The following PSMD6 variants were observed in gnomAD, a reference collection of about 807,000 sequenced individuals.
PSMD6 encodes the protein proteasome 26S subunit, non-ATPase 6, also known as 26S proteasome non-ATPase regulatory subunit 6.
In PSMD6, 7 loss-of-function variants were observed where a neutral mutation model predicts 44.9. That is an observed-to-expected ratio of 0.16 (90% CI 0.09 to 0.29). PSMD6 has a LOEUF of 0.29. PSMD6 is among the 10% of genes least tolerant of loss of function. PSMD6 has a pLI of 1.00. For synonymous variants in PSMD6, 184 were observed against 172.7 expected (o/e 1.07, Z -0.51); for missense variants, 420 against 482.6 (o/e 0.87, Z 1.21).
At chr3:64,013,805 T>A (rs1193548184) in intron 5 of PSMD6, 198 bp from the exon 6 acceptor site, 1 of 419,376 alleles carries the variant, frequency 2.4e-6, no homozygotes, top group Non-Finnish European at 4.2e-6. Context: ...AACATCGTCT[T>A]CAAGTAACAG....
At chr3:64,019,263 TA>T (rs2076094016) in intron 3 of PSMD6, 32 bp downstream of exon 3, 2 of 1,539,298 alleles carry the variant, frequency 1.3e-6, no homozygotes, top group East Asian at 4.5e-5. Context: ...CATCATAATT[TA>T]GAGAAAATAT....
chr3:64,023,293 C>G lies in PSMD6; in HGVS notation c.127G>C (p.Ala43Pro). ...GCCTCACTGTTATCGCGGACGGCCGCCATCAGCTCGTCGCGCACGGCAGCG... is the reference window on the plus strand; with the variant it reads ...GCCTCACTGTTATCGCGGACGGCCGGCATCAGCTCGTCGCGCACGGCAGCG... ...GDAAVRDELMAAVRDNNMAPY... is the reference protein window; with the variant it reads ...GDAAVRDELMPAVRDNNMAPY... The change falls in exon 1 of 8, where the codon GCG (alanine) becomes CCG (proline). Residue 43 changes from alanine (A) to proline (P), a missense_variant. Coordinates refer to ENST00000295901, the MANE Select transcript of PSMD6 (RefSeq NM_014814.3). 5.1e-6 allele frequency: 8 copies of G among 1,578,084 alleles called. No homozygotes were observed. Among genetic ancestry groups the G allele is most frequent in the Non-Finnish European group, 6.9e-6 (8 of 1,162,612 alleles).
At chr3:64,015,307 T>TC (rs2076025781) in intron 5 of PSMD6, 1 of 152,234 alleles carries the variant, frequency 6.6e-6, no homozygotes, top group African/African-American at 2.4e-5. Flanking sequence ...TTTGGAAAGT[T>TC]CAATTTTTTA....
chr3:64,011,223 G>A, intron 6 of PSMD6: 1 of 291,040 alleles, frequency 3.4e-6, no homozygotes, highest in Non-Finnish European at 6.3e-6. Flanking sequence ...GAGAAAAACT[G>A]TAGGTTAGGA....
chr3:64,015,607 A>AAGAT (rs1355152275), intron 5 of PSMD6: 1 of 152,226 alleles, frequency 6.6e-6, no homozygotes, highest in African/African-American at 2.4e-5. Flanking sequence ...GTGACATGAA[A>AAGAT]AGATATACAC....
At chr3:64,020,350 G>A (rs1460389312) in intron 2 of PSMD6, among the ~76,000 whole-genome samples, 1 of 151,988 alleles carries the variant, frequency 6.6e-6, no homozygotes, top group Non-Finnish European at 1.5e-5. Context: ...TAAATAGGAG[G>A]GGAAAAGTTG....
At chr3:64,012,418 C>T (rs1576024197) in intron 6 of PSMD6, 2 of 152,390 alleles carry the variant, frequency 1.3e-5, no homozygotes, top group East Asian at 1.9e-4. Flanking sequence ...ACGGTAACAT[C>T]TCCTCTAAGA....
intron 5 of PSMD6, chr3:64,013,890 A>G: frequency 3.6e-6 from 1 of 278,240 alleles, no homozygotes; most frequent in Non-Finnish European, 6.6e-6. Flanking sequence ...TCACGTACTA[A>G]TATTTTAACC....
intron 2 of PSMD6, among the ~76,000 whole-genome samples, chr3:64,021,957 C>A (rs2076139946): frequency 6.6e-6 from 1 of 152,184 alleles, no homozygotes; most frequent in Non-Finnish European, 1.5e-5. Flanking sequence ...CTAAGTATTA[C>A]TCGTGTAAAG....
In PSMD6 at chr3:64,023,255, G is replaced by T; in HGVS notation, c.145+20C>A. ...CGGCCCAGGCCTAGGCCGCTGACTC[G>T]GCGCTCGTGCGGGCCTCACTGTTAT... On this transcript the variant is annotated intron_variant, in intron 1 of 7. Transcript: ENST00000295901. 1 of 1,547,074 alleles carries T rather than the reference G, an allele frequency of 6.5e-7. No homozygotes were observed. Among genetic ancestry groups the T allele is most frequent in the Non-Finnish European group, 8.7e-7 (1 of 1,144,324 alleles).
At chr3:64,019,569 T>C in intron 2 of PSMD6, 128 bp from the exon 3 acceptor site, 1 of 891,114 alleles carries the variant, frequency 1.1e-6, no homozygotes, top group South Asian at 1.9e-5. Context: ...AGATGGCCAT[T>C]AACTGTTAAT....
In PSMD6 at chr3:64,023,292, G is replaced by A; in HGVS notation, c.128C>T (p.Ala43Val). ...GDAAVRDELM[A>V]AVRDNNMAPY... ...GGCCTCACTGTTATCGCGGACGGCC[G>A]CCATCAGCTCGTCGCGCACGGCAGC... The change falls in exon 1 of 8, where the codon GCG becomes GTG. Residue 43 changes from alanine to valine, a missense_variant. Coordinates refer to ENST00000295901, the MANE Select transcript of PSMD6 (RefSeq NM_014814.3). 1 of 1,576,592 alleles carries A rather than the reference G, an allele frequency of 6.3e-7. No individual in the cohort carries two copies. Among genetic ancestry groups the A allele is most frequent in the East Asian group, 2.4e-5 (1 of 42,486 alleles).
intron 6 of PSMD6, chr3:64,011,381 C>CCTTTCCCTCT (rs1472562717): frequency 6.7e-6 from 1 of 148,878 alleles, no homozygotes; most frequent in Non-Finnish European, 1.5e-5. Flanking sequence ...AAACAACGAC[C>CCTTTCCCTCT]CTTTCCCTCT....
chr3:64,021,500 T>A (rs72878922), intron 2 of PSMD6, among the ~76,000 whole-genome samples: 2 of 152,194 alleles, frequency 1.3e-5, no homozygotes, highest in African/African-American at 4.8e-5. Flanking sequence ...CTTTTACATA[T>A]AAAATTTTAC....
intron 5 of PSMD6, chr3:64,015,660 T>A (rs1382264128): frequency 6.6e-6 from 1 of 152,162 alleles, no homozygotes; most frequent in Non-Finnish European, 1.5e-5. Context: ...AAACAGCATA[T>A]AAAATACATC....
Position 64,011,360 on chromosome 3 carries a change from A to C in PSMD6, c.996-405T>G, listed in dbSNP as rs73834176. On this transcript the variant is annotated intron_variant, in intron 6 of 7. Coordinates refer to ENST00000295901, the MANE Select transcript of PSMD6 (RefSeq NM_014814.3). ...ATAGTATTAACATGTCAACAGCAATAGTATTTACTAAAACAACGACCCTTT... is the reference window on the plus strand; with the variant it reads ...ATAGTATTAACATGTCAACAGCAATCGTATTTACTAAAACAACGACCCTTT... 3.5e-3 allele frequency: 545 copies of C among 154,366 alleles called. 2 individuals are homozygous for C. Among genetic ancestry groups the C allele is most frequent in the African/African-American group, 0.012 (516 of 41,420 alleles). The allele number at this position is 154,366 out of a possible 1,614,324, so 9.6% of individuals were successfully genotyped here.
Position 64,022,298 on chromosome 3 carries a change from G to A in PSMD6, c.351+20C>T, listed in dbSNP as rs1412558318. On this transcript the variant is annotated intron_variant, in intron 2 of 7. Transcript: ENST00000295901. ...TTTAGCCTATACTAACTACAGAGAG[G>A]GAAAACCATCTCTACTCACTTTGTC... 1.9e-6 allele frequency: 3 copies of A among 1,613,264 alleles called. No homozygotes were observed. The highest frequency in any genetic ancestry group is 1.7e-6 in the Non-Finnish European group (2 of 1,179,356).
chr3:64,019,674 T>G (rs1445902490), intron 2 of PSMD6: 2 of 429,746 alleles, frequency 4.7e-6, no homozygotes, highest in Admixed American at 8.4e-5. Flanking sequence ...CCCAAGCATA[T>G]ACTTAGATTC....
At chr3:64,012,017 C>A (rs1392173251) in intron 6 of PSMD6, 1 of 152,056 alleles carries the variant, frequency 6.6e-6, no homozygotes, top group Non-Finnish European at 1.5e-5. Context: ...TGGAACAAAA[C>A]CTTGGGATAC....
Sources: allele counts gnomAD v4.1 joint callset (sites outside exome capture counted in the v4.1 genomes callset), GRCh38; gene constraint gnomAD v4.1.1; transcripts MANE v1.5; gene names NCBI Gene and HGNC (gene_info 2026-07-23, HGNC 2026-07-21).